Variants in GPC5 observed in about 807,000 individuals in gnomAD.
GPC5 encodes glypican 5.
Under a neutral mutation model 53.9 loss-of-function variants are expected in GPC5, and 47 were observed. The ratio of observed to expected loss-of-function variants is 0.87; its 90% CI spans 0.69 to 1.11. The LOEUF is 1.11. Among genes scored for constraint, GPC5 ranks in the 50% most tolerant of loss-of-function variants. The pLI is 0.00. For missense variants in GPC5, 748 were observed against 713.1 expected (o/e 1.05, Z -0.56); for synonymous variants, 286 against 263.3 (o/e 1.09, Z -0.84).
chr13:92,412,315 A>G (rs1426851482), intron 7 of GPC5, among the ~76,000 whole-genome samples: 1 of 152,160 alleles, frequency 6.6e-6, no homozygotes, highest in African/African-American at 2.4e-5. Context: ...AATTCAGAAT[A>G]TATCAGTGAG....
chr13:92,136,982 A>G (rs925281903), intron 6 of GPC5, among the ~76,000 whole-genome samples: 1 of 152,238 alleles, frequency 6.6e-6, no homozygotes, highest in Non-Finnish European at 1.5e-5. Context: ...AGCATCAGTC[A>G]TCAAAACTAT....
intron 5 of GPC5, among the ~76,000 whole-genome samples, chr13:91,810,981 T>C (rs2038303333): frequency 6.6e-6 from 1 of 150,528 alleles, no homozygotes; most frequent in African/African-American, 2.4e-5. Flanking sequence ...TTACATATTC[T>C]AAAAGTTCTC....
chr13:92,229,682 C>T (rs1280506426), intron 7 of GPC5, among the ~76,000 whole-genome samples: 1 of 152,038 alleles, frequency 6.6e-6, no homozygotes, highest in Non-Finnish European at 1.5e-5. Flanking sequence ...GTGTATAATT[C>T]AGCCGAAACC....
At chr13:91,712,132 C>T (rs2036238926) in intron 3 of GPC5, among the ~76,000 whole-genome samples, 1 of 152,066 alleles carries the variant, frequency 6.6e-6, no homozygotes, top group Non-Finnish European at 1.5e-5. Context: ...AAACATGTCT[C>T]AGACAAATAT....
At chr13:91,694,961 T>C (rs1183975154) in intron 3 of GPC5, among the ~76,000 whole-genome samples, 2 of 152,324 alleles carry the variant, frequency 1.3e-5, no homozygotes, top group Middle Eastern at 3.4e-3. Context: ...TAATGACTGA[T>C]AGAATCTGAA....
At chr13:92,339,011 T>A (rs1369355938) in intron 7 of GPC5, among the ~76,000 whole-genome samples, 2 of 152,050 alleles carry the variant, frequency 1.3e-5, no homozygotes, top group South Asian at 2.1e-4. Flanking sequence ...AATCTCTGTA[T>A]CTTCCTCTCC....
chr13:92,145,057 A>T, intron 7 of GPC5, 68 bp downstream of exon 7: 1 of 1,189,812 alleles, frequency 8.4e-7, no homozygotes. Context: ...AGATATTGTT[A>T]TGGATGTAAA....
chr13:91,999,117 C>T (rs1032030665), intron 6 of GPC5, among the ~76,000 whole-genome samples: 3 of 152,096 alleles, frequency 2.0e-5, no homozygotes, highest in Non-Finnish European at 4.4e-5. Flanking sequence ...TTGCATTTTT[C>T]TCTGTGGAAT....
chr13:91,667,673 A>G (rs1166191282), intron 2 of GPC5, among the ~76,000 whole-genome samples: 1 of 152,162 alleles, frequency 6.6e-6, no homozygotes, highest in African/African-American at 2.4e-5. Context: ...CAAAGCACAC[A>G]GCATTCCTGA....
Position 91,925,547 on chromosome 13 carries a change from G to A in GPC5, c.1401+17490G>A, listed in dbSNP as rs536976722. Among the ~76,000 whole-genome samples the A allele has an allele frequency of 7.9e-5, 12 of 152,238 alleles. No homozygotes were observed. The South Asian group carries it at 1.7e-3, about 21-fold the overall frequency. ...AATGAGGGGATCAGCTGGAGTGAAT[G>A]TTTTCTAGAAACAATGCCTATTTCA... is the stretch of plus-strand genomic sequence containing the variant. On this transcript the variant is annotated intron_variant, in intron 6 of 7. Coordinates refer to ENST00000377067, the MANE Select transcript of GPC5 (RefSeq NM_004466.6).
intron 6 of GPC5, among the ~76,000 whole-genome samples, chr13:92,001,874 G>A (rs1024876109): frequency 2.0e-5 from 3 of 152,002 alleles, no homozygotes; most frequent in Non-Finnish European, 2.9e-5. Flanking sequence ...TTACTTTACT[G>A]GAATTCTCAT....
intron 6 of GPC5, among the ~76,000 whole-genome samples, chr13:92,030,267 A>T (rs956997119): frequency 2.0e-5 from 3 of 152,204 alleles, no homozygotes; most frequent in African/African-American, 7.2e-5. Flanking sequence ...TTGGGGACTC[A>T]TGAATTTCCT....
intron 7 of GPC5, among the ~76,000 whole-genome samples, chr13:92,788,057 C>G (rs1158885978): frequency 6.6e-6 from 1 of 151,744 alleles, no homozygotes; most frequent in African/African-American, 2.4e-5. Flanking sequence ...CAGTGCTGAC[C>G]AGTATGAAAC....
intron 6 of GPC5, among the ~76,000 whole-genome samples, chr13:92,070,072 G>A (rs2041198663): frequency 6.6e-6 from 1 of 152,164 alleles, no homozygotes; most frequent in South Asian, 2.1e-4. Flanking sequence ...GAGAGATGGG[G>A]CAGGAGGGAA....
intron 6 of GPC5, among the ~76,000 whole-genome samples, chr13:92,028,726 T>C (rs939687297): frequency 3.3e-5 from 5 of 152,190 alleles, no homozygotes; most frequent in African/African-American, 9.7e-5. Flanking sequence ...CTAACTCTTT[T>C]GAATATCTGT....
intron 7 of GPC5, among the ~76,000 whole-genome samples, chr13:92,316,105 T>C (rs1160809653): frequency 6.6e-6 from 1 of 152,158 alleles, no homozygotes; most frequent in African/African-American, 2.4e-5. Context: ...TACACTTCTC[T>C]CTTTTTCACA....
chr13:92,184,356 T>A (rs553945028), intron 7 of GPC5, among the ~76,000 whole-genome samples: 83 of 152,276 alleles, frequency 5.5e-4, no homozygotes, highest in Non-Finnish European at 1.1e-3. Context: ...CACAAAAAAA[T>A]TTATTTCTAT....
intron 7 of GPC5, among the ~76,000 whole-genome samples, chr13:92,466,003 G>A (rs1329971846): frequency 1.3e-5 from 2 of 151,886 alleles, no homozygotes; most frequent in South Asian, 2.1e-4. Flanking sequence ...GCGTACACAC[G>A]ATAATAATGT....
chr13:91,649,916 A>AT (rs993940733), intron 2 of GPC5, among the ~76,000 whole-genome samples: 1 of 152,152 alleles, frequency 6.6e-6, no homozygotes, highest in African/African-American at 2.4e-5. Context: ...AAATACATAG[A>AT]TTTTTTTAAA....
Sources: allele counts gnomAD v4.1 joint callset (sites outside exome capture counted in the v4.1 genomes callset), GRCh38; gene constraint gnomAD v4.1.1; transcripts MANE v1.5; gene names NCBI Gene and HGNC (gene_info 2026-07-23, HGNC 2026-07-21).